GRIP1: variants seen among roughly 807,000 people sequenced by gnomAD.
GRIP1 encodes glutamate receptor-interacting protein 1.
A neutral mutation model predicts 129.9 loss-of-function variants in GRIP1; 45 were observed. The ratio of observed to expected loss-of-function variants is 0.35; its 90% CI spans 0.27 to 0.44. GRIP1 has a LOEUF of 0.44. GRIP1 is among the 20% of genes least tolerant of loss of function. The pLI is 1.00. For missense variants in GRIP1, 1,196 were observed against 1,396.8 expected, an observed-to-expected ratio of 0.86 and a Z score of 2.29; for synonymous variants, 530 against 520.8, an observed-to-expected ratio of 1.02 and a Z score of -0.24.
chr12:67,016,067 C>A (rs1315484147), intron 1 of GRIP1, among the ~76,000 whole-genome samples: 1 of 152,136 alleles, frequency 6.6e-6, no homozygotes, highest in Non-Finnish European at 1.5e-5. Flanking sequence ...TGCCTAAAGT[C>A]CTTCATGTCA....
At chr12:66,444,285 G>C (rs1445957198) in intron 13 of GRIP1, among the ~76,000 whole-genome samples, 2 of 151,478 alleles carry the variant, frequency 1.3e-5, no homozygotes, top group South Asian at 2.1e-4. Context: ...AGGAGATCGA[G>C]ACCATCCTGG....
At chr12:66,563,293 G>C (rs1396303748) in intron 2 of GRIP1, among the ~76,000 whole-genome samples, 1 of 152,080 alleles carries the variant, frequency 6.6e-6, no homozygotes. Flanking sequence ...CTTAACATCA[G>C]TATTAGAGTG....
intron 1 of GRIP1, among the ~76,000 whole-genome samples, chr12:66,747,283 A>G (rs1482523597): frequency 6.6e-6 from 1 of 152,272 alleles, no homozygotes; most frequent in East Asian, 1.9e-4. Flanking sequence ...AAAATTGAAA[A>G]CTAAGCTAAC....
At chr12:66,927,989 A>T (rs1278838434) in intron 1 of GRIP1, among the ~76,000 whole-genome samples, 2 of 152,232 alleles carry the variant, frequency 1.3e-5, no homozygotes, top group Non-Finnish European at 2.9e-5. Context: ...TGCTGGCAGC[A>T]ATTATCTTGT....
chr12:66,771,959 C>A (rs1592830237), intron 1 of GRIP1, among the ~76,000 whole-genome samples: 2 of 152,102 alleles, frequency 1.3e-5, no homozygotes, highest in East Asian at 3.9e-4. Flanking sequence ...ACCAAAGGAC[C>A]ACAGGAAAAT....
intron 2 of GRIP1, among the ~76,000 whole-genome samples, chr12:66,573,794 G>A (rs1350690870): frequency 2.0e-5 from 3 of 152,182 alleles, no homozygotes; most frequent in Non-Finnish European, 4.4e-5. Flanking sequence ...CACATGTACA[G>A]GGTACGGATG....
chr12:66,384,260 C>A (rs1316214871), intron 19 of GRIP1, among the ~76,000 whole-genome samples: 2 of 152,042 alleles, frequency 1.3e-5, no homozygotes, highest in Admixed American at 1.3e-4. Context: ...GGCTGCAGGA[C>A]CAATCCAGCT....
chr12:66,643,306 C>A (rs2032091101), intron 1 of GRIP1, among the ~76,000 whole-genome samples: 1 of 152,208 alleles, frequency 6.6e-6, no homozygotes, highest in African/African-American at 2.4e-5. Context: ...ATGCATGTAT[C>A]ACAGTGGCAA....
intron 2 of GRIP1, among the ~76,000 whole-genome samples, chr12:66,557,020 C>G (rs1456496840): frequency 6.6e-6 from 1 of 151,794 alleles, no homozygotes; most frequent in African/African-American, 2.4e-5. Context: ...ATTCTCCAAT[C>G]AAGAGACACA....
chr12:66,702,980 G>T (rs972728584), intron 1 of GRIP1, among the ~76,000 whole-genome samples: 17 of 152,196 alleles, frequency 1.1e-4, no homozygotes, highest in Admixed American at 7.2e-4. Context: ...ACTGATGACA[G>T]ACTGAGCTCC....
upstream of GRIP1, among the ~76,000 whole-genome samples, chr12:66,680,245 A>AAATAACTT (rs1430968941): frequency 6.6e-6 from 1 of 152,220 alleles, no homozygotes; most frequent in Non-Finnish European, 1.5e-5. Flanking sequence ...CTGGTTTTTA[A>AAATAACTT]AATAACTTCC....
rs2065134045 is a variant in GRIP1 at position 66,618,430 on chromosome 12, G to A, written c.56-21503C>T. 2.0e-5 allele frequency among the ~76,000 whole-genome samples: 3 copies of A among 152,052 alleles called. No homozygotes were observed. In the South Asian group the frequency reaches 6.2e-4, roughly 32 times the overall value. On this transcript the variant is annotated intron_variant, in intron 1 of 24. Coordinates refer to ENST00000359742, the MANE Select transcript of GRIP1 (RefSeq NM_001366722.1). ...GTAGAAACTGGCTGGTGGGGGATAT[G>A]GAGGAGAGTGAATCTTTTCACCATA... is the stretch of plus-strand genomic sequence containing the variant.
rs2054902204 is a variant in GRIP1, at chr12:66,363,199, CCATATA to C, written c.3012+8489_3012+8494del. Among the ~76,000 whole-genome samples, 57 of 35,340 alleles carry C rather than the reference CCATATA, an allele frequency of 1.6e-3. 6 individuals carry two copies. The highest frequency in any genetic ancestry group is 2.6e-3 in the African/African-American group (34 of 13,196). The allele number at this position is 35,340 out of a possible 152,430, so 23.2% of individuals were successfully genotyped here. A position where few individuals can be genotyped will look rare whatever the true frequency, so the allele number is the denominator to read the frequency against. On this transcript the variant is annotated intron_variant, in intron 23 of 24. Coordinates refer to ENST00000359742, the MANE Select transcript of GRIP1 (RefSeq NM_001366722.1). Reference sequence around the variant, plus strand: ...TATATGTATATATGTGTGTGTGTGTCCATATATATATATATATATATATATATATAA... The same window carrying C: ...TATATGTATATATGTGTGTGTGTGTCTATATATATATATATATATATATAA...
exon 1 of GRIP1, chr12:66,804,172 A>G: frequency 2.2e-6 from 1 of 455,690 alleles, no homozygotes; most frequent in Non-Finnish European, 4.4e-6. Context: ...GACAAAACCC[A>G]GGAAGCGGTC....
At position 66,669,017 on chromosome 12, in the gene GRIP1, G is replaced by A. The variant is rs76956174; in HGVS notation, c.55+9833C>T. Among the ~76,000 whole-genome samples, 659 of 152,284 alleles carry A rather than the reference G, an allele frequency of 4.3e-3. 6 individuals are homozygous for A. Among genetic ancestry groups the A allele is most frequent in the African/African-American group, 0.015 (625 of 41,562 alleles). On this transcript the variant is annotated intron_variant, in intron 1 of 24. Transcript: ENST00000359742. ...CTGGAGCTTTCTTTCCCCATGTGAT[G>A]TGAAAAATCAAGAACTCTGATGAAA...
At chr12:66,451,383 G>GTTTGTTTTTTTT (rs2058794233) in intron 11 of GRIP1, among the ~76,000 whole-genome samples, 18 of 42,656 alleles carry the variant, frequency 4.2e-4, no homozygotes, top group South Asian at 7.9e-4. Flanking sequence ...ATTATAATCT[G>GTTTGTTTTTTTT]TTTTTTTTTT....
At position 66,455,391 on chromosome 12, in the gene GRIP1, G is replaced by A. The variant is rs1179400668; in HGVS notation, c.1354+18C>T. ...GGTTTTTTCCAGGCCAAATGCCATT[G>A]GCTGTCATTTCACTTACATGAGCTT... is the stretch of plus-strand genomic sequence containing the variant. On this transcript the variant is annotated intron_variant, in intron 11 of 24. Transcript: ENST00000359742. The A allele has an allele frequency of 1.1e-5, 17 of 1,610,592 alleles. No individual in the cohort carries two copies. Among genetic ancestry groups the A allele is most frequent in the Non-Finnish European group, 1.4e-5 (17 of 1,176,742 alleles).
chr12:66,375,547 A>C (rs1020468359), intron 22 of GRIP1, among the ~76,000 whole-genome samples: 1 of 152,212 alleles, frequency 6.6e-6, no homozygotes, highest in Non-Finnish European at 1.5e-5. Flanking sequence ...AAAAGTGTAA[A>C]TATAACTAAT....
intron 1 of GRIP1, among the ~76,000 whole-genome samples, chr12:66,924,212 T>C (rs1421512733): frequency 6.6e-6 from 1 of 152,216 alleles, no homozygotes; most frequent in Non-Finnish European, 1.5e-5. Flanking sequence ...TAGTTCACAC[T>C]GTATTTAAGT....
Sources: allele counts gnomAD v4.1 joint callset (sites outside exome capture counted in the v4.1 genomes callset), GRCh38; gene constraint gnomAD v4.1.1; transcripts MANE v1.5; gene names NCBI Gene and HGNC (gene_info 2026-07-23, HGNC 2026-07-21).